The following MGAT4C variants were observed in gnomAD, a reference collection of about 807,000 sequenced individuals.
MGAT4C encodes MGAT4 family member C.
MGAT4C carries 19 observed loss-of-function variants against 40.1 expected under a neutral mutation model. The observed-to-expected ratio is 0.47, with a 90% CI of 0.33 to 0.70. MGAT4C has a LOEUF of 0.70. Ranked by LOEUF, MGAT4C falls within the 30% of genes least tolerant of loss-of-function variation. The pLI, the probability that MGAT4C is intolerant of heterozygous loss-of-function variation, is 0.02. For synonymous variants in MGAT4C, 181 were observed against 187.1 expected, an observed-to-expected ratio of 0.97 and a Z score of 0.27; for missense variants, 491 against 563.2, an observed-to-expected ratio of 0.87 and a Z score of 1.30.
In MGAT4C at chr12:86,512,552, G is replaced by A. The variant is rs1248536593; in HGVS notation, c.-228-77287C>T. ...TTTAATTGTCCATTGATGTATAAACGGACAAAGCAAATGTGATATACATAC... is the reference window on the plus strand; with the variant it reads ...TTTAATTGTCCATTGATGTATAAACAGACAAAGCAAATGTGATATACATAC... On this transcript the variant is annotated intron_variant, in intron 2 of 7. Transcript: ENST00000548651. 4.6e-5 allele frequency among the ~76,000 whole-genome samples: 7 copies of A among 151,344 alleles called. No homozygotes were observed. In the South Asian group the frequency reaches 6.2e-4, roughly 13 times the overall value.
intron 2 of MGAT4C, among the ~76,000 whole-genome samples, chr12:86,662,568 A>T (rs1039246380): frequency 6.6e-6 from 1 of 152,168 alleles, no homozygotes; most frequent in Non-Finnish European, 1.5e-5. Context: ...TCTCAGTTCT[A>T]TTCCTTACTG....
intron 1 of MGAT4C, among the ~76,000 whole-genome samples, chr12:86,230,405 C>T (rs147111012): frequency 1.5e-3 from 234 of 152,236 alleles, no homozygotes; most frequent in Middle Eastern, 3.4e-3. Flanking sequence ...AGTGAACAAG[C>T]TATCAACCAT....
intron 2 of MGAT4C, among the ~76,000 whole-genome samples, chr12:86,521,060 G>A (rs899985147): frequency 5.3e-5 from 8 of 152,108 alleles, no homozygotes; most frequent in African/African-American, 7.2e-5. Context: ...CTGTGCAGAA[G>A]CTCTTTAGTT....
intron 1 of MGAT4C, among the ~76,000 whole-genome samples, chr12:86,730,398 G>GA (rs35322016): frequency 0.78 from 118,880 of 151,790 alleles, 48,104 homozygotes; most frequent in Middle Eastern, 0.89. Flanking sequence ...AGGCACAGAA[G>GA]AAAAAACATG....
chr12:86,252,928 T>G (rs773766339), intron 1 of MGAT4C, among the ~76,000 whole-genome samples: 29 of 152,038 alleles, frequency 1.9e-4, no homozygotes, highest in Non-Finnish European at 3.7e-4. Context: ...TATTTTATTC[T>G]TATAATATTT....
chr12:86,756,300 T>C (rs527292145), intron 1 of MGAT4C, among the ~76,000 whole-genome samples: 1 of 152,114 alleles, frequency 6.6e-6, no homozygotes, highest in Admixed American at 6.5e-5. Flanking sequence ...TCTCTTCTTA[T>C]AAAGGAACTG....
chr12:86,445,381 T>C (rs1177935081), intron 2 of MGAT4C, among the ~76,000 whole-genome samples: 1 of 152,192 alleles, frequency 6.6e-6, no homozygotes, highest in Non-Finnish European at 1.5e-5. Flanking sequence ...ATTCACCATA[T>C]TTAGCAAAAT....
At position 86,033,423 on chromosome 12, in the gene MGAT4C, T is replaced by C. The variant is rs1213597366; in HGVS notation, c.-7+16251A>G. ...TGTTTTTCCATTTGTTTATATTGTCTTTGATTTCTTAGAGCAGTATTTTAT... is the reference window on the plus strand; with the variant it reads ...TGTTTTTCCATTTGTTTATATTGTCCTTGATTTCTTAGAGCAGTATTTTAT... On this transcript the variant is annotated intron_variant, in intron 2 of 4. Transcript: ENST00000611864. 1.3e-5 allele frequency among the ~76,000 whole-genome samples: 2 copies of C among 149,732 alleles called. 1 individual carries two copies. The highest frequency in any genetic ancestry group is 1.3e-4 in the Admixed American group (2 of 14,930).
chr12:86,398,387 A>G (rs1956296717), intron 3 of MGAT4C, among the ~76,000 whole-genome samples: 1 of 152,162 alleles, frequency 6.6e-6, no homozygotes, highest in African/African-American at 2.4e-5. Flanking sequence ...ATTTAATCAC[A>G]AAAGTCTGTT....
chr12:86,040,819 G>T (rs999792384), intron 2 of MGAT4C, among the ~76,000 whole-genome samples: 1 of 152,228 alleles, frequency 6.6e-6, no homozygotes, highest in South Asian at 2.1e-4. Context: ...GATCCTGGTG[G>T]TGTGGGCACT....
At chr12:86,238,732 A>G (rs1376348129) in intron 1 of MGAT4C, among the ~76,000 whole-genome samples, 1 of 151,992 alleles carries the variant, frequency 6.6e-6, no homozygotes, top group Non-Finnish European at 1.5e-5. Flanking sequence ...GTTACTGGAG[A>G]GGTGATGTGA....
At chr12:86,301,378 C>T (rs1592669334) in intron 4 of MGAT4C, among the ~76,000 whole-genome samples, 1 of 152,128 alleles carries the variant, frequency 6.6e-6, no homozygotes, top group Non-Finnish European at 1.5e-5. Flanking sequence ...TACCAATTTG[C>T]TTGGAAAATG....
intron 2 of MGAT4C, among the ~76,000 whole-genome samples, chr12:86,006,125 G>A (rs1887847326): frequency 6.6e-6 from 1 of 152,058 alleles, no homozygotes; most frequent in Non-Finnish European, 1.5e-5. Context: ...GATTATGTAT[G>A]GACAGCCTTT....
intron 1 of MGAT4C, among the ~76,000 whole-genome samples, chr12:86,148,657 T>C (rs1883869391): frequency 6.6e-6 from 1 of 152,212 alleles, no homozygotes; most frequent in Admixed American, 6.5e-5. Flanking sequence ...TATAGGCAAT[T>C]AACTTTGCTA....
At chr12:86,444,941 T>A (rs1957307086) in intron 2 of MGAT4C, among the ~76,000 whole-genome samples, 2 of 152,210 alleles carry the variant, frequency 1.3e-5, no homozygotes, top group Non-Finnish European at 2.9e-5. Context: ...ACATACTATA[T>A]GACTTCATTT....
intron 2 of MGAT4C, among the ~76,000 whole-genome samples, chr12:86,039,118 T>TTG (rs1891543595): frequency 7.6e-6 from 1 of 131,716 alleles, no homozygotes; most frequent in Non-Finnish European, 1.8e-5. Flanking sequence ...CCTTTGTGGG[T>TTG]AACCCAACCT....
At chr12:86,701,761 AT>A (rs1950368410) in intron 2 of MGAT4C, among the ~76,000 whole-genome samples, 2 of 152,180 alleles carry the variant, frequency 1.3e-5, no homozygotes, top group African/African-American at 2.4e-5. Flanking sequence ...CAAATAGCCA[AT>A]ATGTGAATAG....
intron 2 of MGAT4C, among the ~76,000 whole-genome samples, chr12:86,602,017 G>A (rs1961802546): frequency 6.6e-6 from 1 of 152,146 alleles, no homozygotes; most frequent in South Asian, 2.1e-4. Flanking sequence ...CGGAAGCCGC[G>A]GTACGTCTGG....
chr12:86,646,401 T>C (rs192115940), intron 2 of MGAT4C, among the ~76,000 whole-genome samples: 7 of 152,040 alleles, frequency 4.6e-5, no homozygotes, highest in African/African-American at 1.7e-4. Context: ...ATAAGATGTA[T>C]AATGTTGTAT....
Sources: allele counts gnomAD v4.1 joint callset (sites outside exome capture counted in the v4.1 genomes callset), GRCh38; gene constraint gnomAD v4.1.1; transcripts MANE v1.5; gene names NCBI Gene and HGNC (gene_info 2026-07-23, HGNC 2026-07-21).